The following C12orf42 variants were observed in gnomAD, a reference collection of about 807,000 sequenced individuals.
C12orf42 encodes uncharacterized protein C12orf42.
A neutral mutation model predicts 21.6 loss-of-function variants in C12orf42; 25 were observed. The ratio of observed to expected loss-of-function variants is 1.16; its 90% confidence interval spans 0.84 to 1.62. The LOEUF is 1.62. Among genes scored for constraint, C12orf42 ranks in the 40% most tolerant of loss-of-function variants. C12orf42 has a pLI of 0.00. For synonymous variants in C12orf42, 174 were observed against 175.0 expected (o/e 0.99, Z 0.05); for missense variants, 483 against 459.3 (o/e 1.05, Z -0.47).
At chr12:103,222,172 G>C in the C12orf42 span, among the ~76,000 whole-genome samples, 13 of 152,164 alleles carry the variant, frequency 8.5e-5, no homozygotes, top group African/African-American at 3.1e-4. Context: ...CAACATGGCT[G>C]TTTATTTCAC....
the C12orf42 span, among the ~76,000 whole-genome samples, chr12:103,086,249 A>G: frequency 6.6e-6 from 1 of 152,118 alleles, no homozygotes; most frequent in Non-Finnish European, 1.5e-5. Flanking sequence ...GAGTTACTTT[A>G]CTTAATTAAT....
the C12orf42 span, among the ~76,000 whole-genome samples, chr12:103,053,516 T>C: frequency 6.6e-6 from 1 of 151,972 alleles, no homozygotes; most frequent in Non-Finnish European, 1.5e-5. Context: ...CTCAAATACA[T>C]GGTTTACAAA....
chr12:103,551,495 T>A, the C12orf42 span, among the ~76,000 whole-genome samples: 3 of 152,000 alleles, frequency 2.0e-5, no homozygotes, highest in Non-Finnish European at 4.4e-5. Flanking sequence ...CCAGACTGAG[T>A]GATAGAGCAA....
At chr12:103,445,527 G>A (rs1358958182) in intron 2 of C12orf42, among the ~76,000 whole-genome samples, 2 of 152,026 alleles carry the variant, frequency 1.3e-5, no homozygotes, top group East Asian at 3.9e-4. Context: ...ATGAGAACAA[G>A]TATCTTCACT....
chr12:103,304,306 A>G (rs2038049670), intron 5 of C12orf42, among the ~76,000 whole-genome samples: 1 of 151,866 alleles, frequency 6.6e-6, no homozygotes, highest in East Asian at 1.9e-4. Context: ...CCTTGGGGAT[A>G]CAGAAGGAAT....
chr12:103,361,433 G>A (rs1268884550), intron 4 of C12orf42, among the ~76,000 whole-genome samples: 1 of 152,076 alleles, frequency 6.6e-6, no homozygotes, highest in Non-Finnish European at 1.5e-5. Context: ...TCCTTGGGGA[G>A]GGCTGCCAGA....
intron 4 of C12orf42, among the ~76,000 whole-genome samples, chr12:103,290,016 C>T (rs2036696078): frequency 6.6e-6 from 1 of 152,064 alleles, no homozygotes; most frequent in South Asian, 2.1e-4. Flanking sequence ...ATGCCTGCCT[C>T]CCCATCTGGG....
At chr12:103,228,170 C>T in the C12orf42 span, among the ~76,000 whole-genome samples, 1 of 152,154 alleles carries the variant, frequency 6.6e-6, no homozygotes, top group Non-Finnish European at 1.5e-5. Context: ...CTGTTTATTT[C>T]ACCTGGGTGC....
At chr12:103,103,608 G>A in the C12orf42 span, among the ~76,000 whole-genome samples, 1 of 152,044 alleles carries the variant, frequency 6.6e-6, no homozygotes. Flanking sequence ...TCATCAGAAG[G>A]AAGATATTTT....
At chr12:103,236,388 C>A (rs2033467933), downstream of C12orf42, among the ~76,000 whole-genome samples, 1 of 152,150 alleles carries the variant, frequency 6.6e-6, no homozygotes, top group African/African-American at 2.4e-5. Context: ...AAACACTTAC[C>A]TTGAACTCAA....
At chr12:103,440,457 CA>C in intron 2 of C12orf42, among the ~76,000 whole-genome samples, 5,685 of 69,304 alleles carry the variant, frequency 0.082, 102 homozygotes, top group South Asian at 0.2. Flanking sequence ...TCACAGATAC[CA>C]AAAAAAAAAA....
chr12:103,512,182 T>C, the C12orf42 span, among the ~76,000 whole-genome samples: 1 of 152,146 alleles, frequency 6.6e-6, no homozygotes, highest in Non-Finnish European at 1.5e-5. Flanking sequence ...TAAGGAAATA[T>C]AGAAAATGGT....
At chr12:103,213,584 G>A in the C12orf42 span, among the ~76,000 whole-genome samples, 33 of 152,274 alleles carry the variant, frequency 2.2e-4, no homozygotes, top group African/African-American at 2.9e-4. Context: ...GCCATCCCAG[G>A]AACACTGGCC....
the C12orf42 span, among the ~76,000 whole-genome samples, chr12:103,528,672 G>A: frequency 6.6e-6 from 1 of 152,144 alleles, no homozygotes; most frequent in African/African-American, 2.4e-5. Flanking sequence ...GCCACCTGAG[G>A]CCCTCACCAG....
In C12orf42 at chr12:103,422,043, G is replaced by A. The variant is rs538092941; in HGVS notation, c.79-20368C>T. 3.3e-5 allele frequency among the ~76,000 whole-genome samples: 5 copies of A among 152,230 alleles called. No individual in the cohort carries two copies. The South Asian group carries it at 1.0e-3, about 32-fold the overall frequency. ...ATTGAACTTGATTAGAGTCAGTATT[G>A]AATTATTAAATCGCTCCTTAAATAA... is the stretch of plus-strand genomic sequence containing the variant. On this transcript the variant is annotated intron_variant, in intron 2 of 5. Coordinates refer to ENST00000548883, the MANE Select transcript of C12orf42 (RefSeq NM_198521.5).
the C12orf42 span, chr12:103,164,812 G>C: frequency 2.4e-6 from 1 of 425,166 alleles, no homozygotes; most frequent in South Asian, 1.7e-5. Flanking sequence ...TTCAGTAGGA[G>C]AGACAAGATA....
At chr12:103,555,572 G>A in the C12orf42 span, among the ~76,000 whole-genome samples, 16 of 152,066 alleles carry the variant, frequency 1.1e-4, no homozygotes, top group African/African-American at 3.9e-4. Context: ...CTGATCCGAG[G>A]ACCACACTTT....
At chr12:103,208,404 T>C in the C12orf42 span, among the ~76,000 whole-genome samples, 1 of 152,116 alleles carries the variant, frequency 6.6e-6, no homozygotes, top group African/African-American at 2.4e-5. Flanking sequence ...TGGTGTGCAG[T>C]GTACCGTGAA....
chr12:103,467,507 C>G (rs543761922), intron 2 of C12orf42, among the ~76,000 whole-genome samples: 9 of 152,280 alleles, frequency 5.9e-5, no homozygotes, highest in African/African-American at 2.2e-4. Context: ...CTTGAGCCTG[C>G]AGATTCCTGA....
Sources: gnomAD v4.1 joint callset for allele counts (sites outside exome capture counted in the v4.1 genomes callset) on GRCh38, gnomAD v4.1.1 for gene constraint, MANE v1.5 for transcripts, NCBI Gene and HGNC (gene_info 2026-07-23, HGNC 2026-07-21) for gene names.